PTPRO: variants seen among roughly 807,000 people sequenced by gnomAD.
PTPRO encodes the protein receptor-type tyrosine-protein phosphatase O.
A neutral mutation model predicts 145.2 loss-of-function variants in PTPRO; 62 were observed. The ratio of observed to expected loss-of-function variants is 0.43; its 90% confidence interval spans 0.35 to 0.53. The LOEUF (loss-of-function observed/expected upper bound fraction) is 0.53, where lower values mean the gene tolerates loss of function less well. Ranked by LOEUF, PTPRO falls within the 20% of genes least tolerant of loss-of-function variation. PTPRO has a pLI of 0.01. For missense variants in PTPRO, 1,345 were observed against 1,482.7 expected (o/e 0.91, Z 1.53); for synonymous variants, 565 against 514.7 (o/e 1.10, Z -1.32).
At position 15,322,851 on chromosome 12, in the gene PTPRO, C is replaced by T. The variant is rs1307658182; in HGVS notation, c.75+50C>T. 6.4e-7 allele frequency: 1 copy of T among 1,571,174 alleles called. No individual in the cohort carries two copies. The highest frequency in any genetic ancestry group is 1.8e-5 in the Admixed American group (1 of 56,426). ...TTCCCAGCGGTCCGGGCGGCAGCCG[C>T]GCTCCGGCGCCCTCGCTCTGCCGTT... is the stretch of plus-strand genomic sequence containing the variant. On this transcript the variant is annotated intron_variant, in intron 1 of 26. Transcript: ENST00000281171. The surrounding 1 kb of genome is among the most constrained non-coding windows in gnomAD (Gnocchi z 6.3).
chr12:15,513,071 GGAAAGAAA>G (rs138110186), intron 7 of PTPRO, among the ~76,000 whole-genome samples: 12,377 of 52,256 alleles, frequency 0.24, 2,212 homozygotes, highest in Admixed American at 0.33. Context: ...AGAGAAAGAA[GGAAAGAAA>G]GAAAGAAAGA....
Position 15,366,239 on chromosome 12 carries a change from C to T in PTPRO, c.75+43438C>T, listed in dbSNP as rs1046383798. ...TCTAATTAGAGTGTAGAAATACTTT[C>T]GGTTGCTAGTTGTTAGCCTAATCTT... On this transcript the variant is annotated intron_variant, in intron 1 of 26. Coordinates refer to ENST00000281171, the MANE Select transcript of PTPRO (RefSeq NM_030667.3). Among the ~76,000 whole-genome samples the T allele has an allele frequency of 2.6e-5, 4 of 152,236 alleles. No homozygotes were observed. In the South Asian group the frequency reaches 6.2e-4, roughly 24 times the overall value.
chr12:15,535,595 C>G (rs970814680), intron 12 of PTPRO, among the ~76,000 whole-genome samples: 1 of 152,200 alleles, frequency 6.6e-6, no homozygotes, highest in South Asian at 2.1e-4. Context: ...AACAAGCTGG[C>G]GCTTAGAGAA....
chr12:15,526,827 G>T (rs1230793689), intron 12 of PTPRO, among the ~76,000 whole-genome samples: 1 of 151,696 alleles, frequency 6.6e-6, no homozygotes, highest in Admixed American at 6.6e-5. Flanking sequence ...GAATAAGTTG[G>T]GGTTTATAAG....
intron 18 of PTPRO, among the ~76,000 whole-genome samples, chr12:15,567,151 A>G (rs1235648515): frequency 6.6e-6 from 1 of 152,160 alleles, no homozygotes; most frequent in Non-Finnish European, 1.5e-5. Context: ...CATACCCACA[A>G]GCAAAAAAAA....
chr12:15,578,994 C>G (rs888177005), intron 20 of PTPRO, 51 bp downstream of exon 20: 2 of 1,438,392 alleles, frequency 1.4e-6, no homozygotes, highest in African/African-American at 2.8e-5. Flanking sequence ...GGTTGAAGGA[C>G]TGTCATTGCA....
chr12:15,536,662 T>C (rs1565692075), intron 12 of PTPRO, among the ~76,000 whole-genome samples: 2 of 152,304 alleles, frequency 1.3e-5, no homozygotes, highest in East Asian at 1.9e-4. Flanking sequence ...TAATAGATTG[T>C]TCAGGGCAAG....
At chr12:15,579,507 CT>C (rs1944262992) in intron 20 of PTPRO, among the ~76,000 whole-genome samples, 1 of 152,180 alleles carries the variant, frequency 6.6e-6, no homozygotes, top group African/African-American at 2.4e-5. Flanking sequence ...GCTGAAAAAG[CT>C]CTAGAAAGAG....
chr12:15,543,279 T>C (rs771665616), intron 12 of PTPRO, among the ~76,000 whole-genome samples: 3 of 152,148 alleles, frequency 2.0e-5, no homozygotes, highest in East Asian at 1.9e-4. Flanking sequence ...AAAGAAAAAT[T>C]TGTTACGTGG....
At chr12:15,359,648 C>G (rs1014076863) in intron 1 of PTPRO, among the ~76,000 whole-genome samples, 1 of 151,812 alleles carries the variant, frequency 6.6e-6, no homozygotes, top group Admixed American at 6.6e-5. Context: ...TGAACAAACT[C>G]TTGTGTGCGG....
intron 1 of PTPRO, among the ~76,000 whole-genome samples, chr12:15,378,977 A>C (rs1438694050): frequency 1.3e-5 from 2 of 152,182 alleles, no homozygotes; most frequent in African/African-American, 2.4e-5. Flanking sequence ...TTACAATGAG[A>C]TACAACTTTA....
intron 24 of PTPRO, among the ~76,000 whole-genome samples, chr12:15,587,975 C>A (rs546572292): frequency 6.6e-6 from 1 of 152,124 alleles, no homozygotes; most frequent in Non-Finnish European, 1.5e-5. Flanking sequence ...GTGTGTCTCC[C>A]TGGAAAGGAA....
chr12:15,449,362 C>T (rs1940989475), intron 1 of PTPRO, among the ~76,000 whole-genome samples: 2 of 152,174 alleles, frequency 1.3e-5, no homozygotes, highest in African/African-American at 4.8e-5. Context: ...TCCACATGGA[C>T]TCATATATAG....
chr12:15,448,572 G>C (rs1940967699), intron 1 of PTPRO, among the ~76,000 whole-genome samples: 1 of 152,056 alleles, frequency 6.6e-6, no homozygotes, highest in Non-Finnish European at 1.5e-5. Flanking sequence ...GCACACTGTT[G>C]ATGGGAGTGT....
chr12:15,339,026 A>G (rs1221880979), intron 1 of PTPRO, among the ~76,000 whole-genome samples: 1 of 152,212 alleles, frequency 6.6e-6, no homozygotes, highest in East Asian at 1.9e-4. Context: ...AGTTAATACT[A>G]TAATAGAAGC....
At chr12:15,523,054 C>G (rs1942760280) in intron 10 of PTPRO, among the ~76,000 whole-genome samples, 1 of 152,158 alleles carries the variant, frequency 6.6e-6, no homozygotes, top group Admixed American at 6.5e-5. Context: ...ATTTGTGTTA[C>G]TTGTTAGATG....
chr12:15,380,899 T>C (rs1429404443), intron 1 of PTPRO, among the ~76,000 whole-genome samples: 1 of 152,190 alleles, frequency 6.6e-6, no homozygotes, highest in Non-Finnish European at 1.5e-5. Flanking sequence ...GATAGGATTT[T>C]ACCGCTGTGA....
intron 19 of PTPRO, 41 bp downstream of exon 19, chr12:15,569,539 G>A: frequency 6.5e-7 from 1 of 1,538,406 alleles, no homozygotes; most frequent in Non-Finnish European, 9.0e-7. Flanking sequence ...GTAATGGAAA[G>A]GGCCTGGGAA....
intron 1 of PTPRO, among the ~76,000 whole-genome samples, chr12:15,424,894 G>A (rs1940241959): frequency 6.6e-6 from 1 of 152,040 alleles, no homozygotes; most frequent in African/African-American, 2.4e-5. Context: ...CAGATTGTGA[G>A]GATGGCTCCC....
Sources: gnomAD v4.1 joint callset for allele counts (sites outside exome capture counted in the v4.1 genomes callset) on GRCh38, gnomAD v4.1.1 for gene constraint, Gnocchi (gnomAD v3.1) non-coding constraint, MANE v1.5 for transcripts, NCBI Gene and HGNC (gene_info 2026-07-23, HGNC 2026-07-21) for gene names.